Variants in PTPRD observed in about 807,000 individuals in gnomAD.
The protein encoded by PTPRD is protein tyrosine phosphatase receptor type D, also known as receptor-type tyrosine-protein phosphatase delta.
A neutral mutation model predicts 214.5 loss-of-function variants in PTPRD; 34 were observed. The observed-to-expected ratio is 0.16, with a 90% CI of 0.12 to 0.21. The LOEUF is 0.21. Among genes scored for constraint, PTPRD ranks in the 10% least tolerant of loss-of-function variants. The probability of loss-of-function intolerance (pLI) is 1.00; values close to 1 mark genes in which losing one functional copy is unlikely to be tolerated. For missense variants in PTPRD, 2,545 were observed against 2,398.7 expected (o/e 1.06, Z -1.27); for synonymous variants, 1,128 against 845.7 (o/e 1.33, Z -5.79).
chr9:9,442,636 C>A (rs1267359855), intron 8 of PTPRD, among the ~76,000 whole-genome samples: 1 of 152,046 alleles, frequency 6.6e-6, no homozygotes, highest in Non-Finnish European at 1.5e-5. Context: ...TTTATCTGTG[C>A]ATGTGAGTTT....
chr9:10,134,906 A>G (rs1409482757), intron 3 of PTPRD, among the ~76,000 whole-genome samples: 1 of 152,160 alleles, frequency 6.6e-6, no homozygotes, highest in Non-Finnish European at 1.5e-5. Context: ...TGACAGACAT[A>G]TAATTCAGAA....
At chr9:9,019,082 T>A (rs192840921) in intron 10 of PTPRD, among the ~76,000 whole-genome samples, 17 of 152,044 alleles carry the variant, frequency 1.1e-4, no homozygotes, top group African/African-American at 4.1e-4. Flanking sequence ...AACAAACTTG[T>A]GCTAGAAAAA....
chr9:9,125,876 C>T (rs2099831183), intron 10 of PTPRD, among the ~76,000 whole-genome samples: 1 of 152,118 alleles, frequency 6.6e-6, no homozygotes, highest in Non-Finnish European at 1.5e-5. Context: ...GATGACTTTA[C>T]TGAGGAGGTG....
intron 27 of PTPRD, among the ~76,000 whole-genome samples, chr9:8,492,150 C>G (rs1367037370): frequency 6.6e-6 from 1 of 152,008 alleles, no homozygotes; most frequent in African/African-American, 2.4e-5. Flanking sequence ...TGTTTTCTAT[C>G]TTTTGTTCAG....
chr9:10,228,775 T>C (rs1382228844), intron 3 of PTPRD, among the ~76,000 whole-genome samples: 1 of 149,474 alleles, frequency 6.7e-6, no homozygotes, highest in Non-Finnish European at 1.5e-5. Context: ...TATGTATAAA[T>C]ATGTGATATA....
Position 10,173,246 on chromosome 9 carries a change from A to C in PTPRD, c.-544-139456T>G, listed in dbSNP as rs2099222729. Reference sequence around the variant, plus strand: ...TCTAGTAGTGTTTTAAAATTTTGTTAGGTATAAAAACTTTAAGATCCTTTG... The same window carrying C: ...TCTAGTAGTGTTTTAAAATTTTGTTCGGTATAAAAACTTTAAGATCCTTTG... On this transcript the variant is annotated intron_variant, in intron 3 of 45. Coordinates refer to ENST00000381196, the MANE Select transcript of PTPRD (RefSeq NM_002839.4). 2.0e-5 allele frequency among the ~76,000 whole-genome samples: 3 copies of C among 152,188 alleles called. No homozygotes were observed. The South Asian group carries it at 6.2e-4, about 31-fold the overall frequency.
chr9:10,357,880 A>G (rs1597979770), intron 2 of PTPRD, among the ~76,000 whole-genome samples: 1 of 152,300 alleles, frequency 6.6e-6, no homozygotes, highest in Non-Finnish European at 1.5e-5. Context: ...ACTGTATTAA[A>G]GAAAAAGAAT....
intron 9 of PTPRD, among the ~76,000 whole-genome samples, chr9:9,231,660 GTAA>G (rs1470036718): frequency 1.3e-5 from 2 of 152,048 alleles, no homozygotes; most frequent in Non-Finnish European, 2.9e-5. Context: ...TTTGTTACTT[GTAA>G]TCTCTATTAA....
chr9:10,324,219 T>C (rs2096604369), intron 3 of PTPRD, among the ~76,000 whole-genome samples: 2 of 152,066 alleles, frequency 1.3e-5, no homozygotes, highest in South Asian at 2.1e-4. Context: ...ATGCAACCCC[T>C]TATAAGAATA....
intron 2 of PTPRD, among the ~76,000 whole-genome samples, chr9:10,401,011 C>G (rs2098260484): frequency 6.6e-6 from 1 of 151,462 alleles, no homozygotes. Context: ...GGTCAAGACC[C>G]AATAAAAACT....
At chr9:8,844,376 A>C (rs1163648187) in intron 11 of PTPRD, among the ~76,000 whole-genome samples, 3 of 152,194 alleles carry the variant, frequency 2.0e-5, no homozygotes, top group Admixed American at 6.5e-5. Context: ...AGGCCTCTTA[A>C]TATATTTTAA....
In PTPRD at chr9:8,892,721, A is replaced by G. The variant is rs958548070; in HGVS notation, c.-104+125976T>C. ...TATATATGTGTGCGTATATGTGTAT[A>G]TATATATATATGTATGTATATATAT... On this transcript the variant is annotated intron_variant, in intron 11 of 45. Coordinates refer to ENST00000381196, the MANE Select transcript of PTPRD (RefSeq NM_002839.4). Among the ~76,000 whole-genome samples, 20 of 149,752 alleles carry G rather than the reference A, an allele frequency of 1.3e-4. 1 individual carries two copies. The highest frequency in any genetic ancestry group is 2.2e-4 in the African/African-American group (9 of 40,904).
intron 4 of PTPRD, among the ~76,000 whole-genome samples, chr9:9,944,080 G>C (rs990708678): frequency 1.3e-5 from 2 of 152,146 alleles, no homozygotes; most frequent in African/African-American, 4.8e-5. Flanking sequence ...TAAATACAGA[G>C]GAGAAAGGCT....
rs569977033 is a variant in PTPRD, at chr9:9,007,972, C to A, written c.-104+10725G>T. ...AGTTTTAGGGTACGTGTGCACAATG[C>A]GCAGGTTAGTTACATATGTATACAT... On this transcript the variant is annotated intron_variant, in intron 11 of 45. Transcript: ENST00000381196. Among the ~76,000 whole-genome samples the A allele has an allele frequency of 1.9e-4, 5 of 26,562 alleles. 1 individual carries two copies. The East Asian group carries it at 3.6e-3, about 19-fold the overall frequency. 17.4% of individuals were successfully genotyped at this position (26,562 alleles called of 152,430 possible).
intron 2 of PTPRD, among the ~76,000 whole-genome samples, chr9:10,497,843 A>T (rs573408077): frequency 3.3e-5 from 5 of 152,152 alleles, no homozygotes; most frequent in Admixed American, 6.6e-5. Context: ...AAATATCCAC[A>T]GTCTTCTGAC....
intron 8 of PTPRD, among the ~76,000 whole-genome samples, chr9:9,475,229 G>T (rs2094937403): frequency 6.6e-6 from 1 of 152,124 alleles, no homozygotes. Context: ...TACGAAATCT[G>T]CAATTATGTA....
intron 10 of PTPRD, among the ~76,000 whole-genome samples, chr9:9,035,827 A>G (rs914905046): frequency 6.6e-6 from 1 of 152,000 alleles, no homozygotes; most frequent in Admixed American, 6.6e-5. Flanking sequence ...TTTAATGCTT[A>G]TTCAACAATA....
chr9:9,087,415 A>G (rs2099768715), intron 10 of PTPRD, among the ~76,000 whole-genome samples: 2 of 152,142 alleles, frequency 1.3e-5, no homozygotes, highest in South Asian at 2.1e-4. Flanking sequence ...AATGAGAAAA[A>G]CTGTGAGAAG....
At chr9:10,426,467 A>C (rs893774249) in intron 2 of PTPRD, among the ~76,000 whole-genome samples, 7 of 152,010 alleles carry the variant, frequency 4.6e-5, no homozygotes, top group African/African-American at 1.7e-4. Context: ...TTATCACCAA[A>C]AGCATAAATA....
Sources: allele counts gnomAD v4.1 joint callset (sites outside exome capture counted in the v4.1 genomes callset), GRCh38; gene constraint gnomAD v4.1.1; transcripts MANE v1.5; gene names NCBI Gene and HGNC (gene_info 2026-07-23, HGNC 2026-07-21).